Variants in NKAIN3 observed in about 807,000 individuals in gnomAD.
The protein encoded by NKAIN3 is sodium/potassium transporting ATPase interacting 3.
A neutral mutation model predicts 30.2 loss-of-function variants in NKAIN3; 25 were observed. That is an observed-to-expected ratio of 0.83 (90% CI 0.60 to 1.16). The LOEUF (loss-of-function observed/expected upper bound fraction) is 1.16. NKAIN3 is among the 50% of genes most tolerant of loss of function. The pLI, the probability that NKAIN3 is intolerant of heterozygous loss-of-function variation, is 0.00. For missense variants in NKAIN3, 225 were observed against 254.1 expected (o/e 0.89, Z 0.78); for synonymous variants, 91 against 89.6 (o/e 1.02, Z -0.09).
intron 1 of NKAIN3, among the ~76,000 whole-genome samples, chr8:62,325,095 AC>A (rs1815070436): frequency 6.6e-6 from 1 of 152,100 alleles, no homozygotes; most frequent in Admixed American, 6.6e-5. Context: ...AACCATGTAC[AC>A]TGTATCCAAT....
rs77426782 is a variant in NKAIN3 at position 62,403,599 on chromosome 8, C to T, written c.54+154472C>T. Among the ~76,000 whole-genome samples, 1,020 of 152,294 alleles carry T rather than the reference C, an allele frequency of 6.7e-3. 5 individuals carry two copies. Among genetic ancestry groups the T allele is most frequent in the Non-Finnish European group, 0.011 (773 of 68,036 alleles). The stretch of plus-strand genomic sequence containing the variant: ...GCCCCAAGCCTTGGCAGCTACCATG[C>T]GGTATTGGTCCTGAGGGTGCACAGA... On this transcript the variant is annotated intron_variant, in intron 1 of 6. Transcript: ENST00000623646.
intron 3 of NKAIN3, among the ~76,000 whole-genome samples, chr8:62,652,606 T>C (rs973347916): frequency 1.3e-5 from 2 of 152,130 alleles, no homozygotes; most frequent in Non-Finnish European, 2.9e-5. Context: ...AGAGGGAGAT[T>C]ATTTGGGGTA....
At chr8:62,257,647 T>C (rs371367856) in intron 1 of NKAIN3, among the ~76,000 whole-genome samples, 3 of 152,192 alleles carry the variant, frequency 2.0e-5, no homozygotes, top group African/African-American at 7.2e-5. Context: ...CTCAGTTCCA[T>C]AGGGACAGAT....
chr8:62,498,488 C>T (rs1036267750), intron 1 of NKAIN3, among the ~76,000 whole-genome samples: 6 of 151,948 alleles, frequency 3.9e-5, no homozygotes, highest in Non-Finnish European at 8.8e-5. Context: ...TCAGTTCTCA[C>T]ACTCTACCAC....
chr8:62,802,996 C>T (rs1052055231), intron 4 of NKAIN3, among the ~76,000 whole-genome samples: 2 of 152,000 alleles, frequency 1.3e-5, no homozygotes, highest in Admixed American at 6.6e-5. Flanking sequence ...TTTAAACCAA[C>T]AAGATCAAAA....
chr8:62,854,622 G>T (rs10092338), intron 4 of NKAIN3, among the ~76,000 whole-genome samples: 1 of 151,992 alleles, frequency 6.6e-6, no homozygotes, highest in Non-Finnish European at 1.5e-5. Context: ...TGAAGACAGC[G>T]TACAGATGGA....
intron 5 of NKAIN3, among the ~76,000 whole-genome samples, chr8:62,924,161 G>C (rs975544814): frequency 6.6e-6 from 1 of 152,026 alleles, no homozygotes; most frequent in Non-Finnish European, 1.5e-5. Flanking sequence ...AATCCACCAA[G>C]AGCTTTCATA....
chr8:62,325,536 T>C (rs1815087240), intron 1 of NKAIN3, among the ~76,000 whole-genome samples: 1 of 152,160 alleles, frequency 6.6e-6, no homozygotes, highest in Non-Finnish European at 1.5e-5. Context: ...TTTCTACTTT[T>C]AGTTCTTTAA....
At chr8:62,321,803 C>A (rs1184771309) in intron 1 of NKAIN3, among the ~76,000 whole-genome samples, 1 of 152,156 alleles carries the variant, frequency 6.6e-6, no homozygotes, top group Admixed American at 6.5e-5. Flanking sequence ...GGCAGTCTGT[C>A]CATTCTCAGA....
intron 3 of NKAIN3, among the ~76,000 whole-genome samples, chr8:62,650,537 A>T (rs1563500174): frequency 6.6e-6 from 1 of 152,128 alleles, no homozygotes; most frequent in Non-Finnish European, 1.5e-5. Context: ...TTTTATTTCT[A>T]TTCTTCTCGA....
chr8:62,437,609 G>A (rs892168897), intron 1 of NKAIN3, among the ~76,000 whole-genome samples: 18 of 152,108 alleles, frequency 1.2e-4, no homozygotes, highest in African/African-American at 4.1e-4. Flanking sequence ...TGGGTGCTAC[G>A]GAGAGCAATA....
chr8:62,446,852 T>C (rs1306609378), intron 1 of NKAIN3, among the ~76,000 whole-genome samples: 4 of 152,086 alleles, frequency 2.6e-5, no homozygotes, highest in African/African-American at 7.2e-5. Context: ...TGGTAATCCA[T>C]TCACATGTTG....
At chr8:62,273,464 G>A (rs1394709965) in intron 1 of NKAIN3, among the ~76,000 whole-genome samples, 2 of 152,106 alleles carry the variant, frequency 1.3e-5, no homozygotes, top group African/African-American at 4.8e-5. Context: ...GTTTAAGATG[G>A]TCAGTGATAC....
At chr8:62,570,901 C>A (rs1809914731) in intron 1 of NKAIN3, among the ~76,000 whole-genome samples, 1 of 152,110 alleles carries the variant, frequency 6.6e-6, no homozygotes. Flanking sequence ...TTGGCAGAAT[C>A]CTAAGAAAGC....
chr8:62,471,634 T>C (rs916203332), intron 1 of NKAIN3, among the ~76,000 whole-genome samples: 3 of 152,248 alleles, frequency 2.0e-5, no homozygotes, highest in African/African-American at 7.2e-5. Context: ...TTCACATAAC[T>C]ATGAAACTAA....
At chr8:62,598,488 T>G (rs1810899509) in intron 3 of NKAIN3, among the ~76,000 whole-genome samples, 1 of 151,986 alleles carries the variant, frequency 6.6e-6, no homozygotes, top group South Asian at 2.1e-4. Flanking sequence ...GTTAAGGACA[T>G]TTAGTGGATT....
intron 1 of NKAIN3, among the ~76,000 whole-genome samples, chr8:62,380,539 C>A (rs1050002281): frequency 6.6e-6 from 1 of 152,172 alleles, no homozygotes; most frequent in Non-Finnish European, 1.5e-5. Flanking sequence ...AGGTACTGAG[C>A]ATATATGCCT....
At chr8:62,662,922 A>G (rs922401602) in intron 3 of NKAIN3, among the ~76,000 whole-genome samples, 3 of 152,258 alleles carry the variant, frequency 2.0e-5, no homozygotes, top group African/African-American at 7.2e-5. Flanking sequence ...ATGAAGATGT[A>G]GAAGAAAGAA....
rs1001217593 is a variant in NKAIN3 at position 62,976,014 on chromosome 8, G to A, written c.*10607G>A. 1.3e-5 allele frequency among the ~76,000 whole-genome samples: 2 copies of A among 151,906 alleles called. No homozygotes were observed. Among genetic ancestry groups the A allele is most frequent in the African/African-American group, 2.4e-5 (1 of 41,270 alleles). ...GGTTTTGAGTGAGTTTCTTAATCCT[G>A]AGTTCTAACTTGATTGCACTGTGGT... On this transcript the variant is annotated 3_prime_UTR_variant, in exon 7 of 7. Transcript: ENST00000623646.
Sources: gnomAD v4.1 joint callset for allele counts (sites outside exome capture counted in the v4.1 genomes callset) on GRCh38, gnomAD v4.1.1 for gene constraint, MANE v1.5 for transcripts, NCBI Gene and HGNC (gene_info 2026-07-23, HGNC 2026-07-21) for gene names.